Variants in PPP1R12C observed in about 807,000 individuals in gnomAD.
The protein encoded by PPP1R12C is protein phosphatase 1 regulatory subunit 12C.
Under a neutral mutation model 95.6 loss-of-function variants are expected in PPP1R12C, and 48 were observed. The ratio of observed to expected loss-of-function variants is 0.50; its 90% confidence interval spans 0.40 to 0.64. The LOEUF (loss-of-function observed/expected upper bound fraction) is 0.64, where lower values mean the gene tolerates loss of function less well. Ranked by LOEUF, PPP1R12C falls within the 30% of genes least tolerant of loss-of-function variation. The pLI is 0.00. For synonymous variants in PPP1R12C, 480 were observed against 460.8 expected (o/e 1.04, Z -0.53); for missense variants, 1,057 against 1,083.3 (o/e 0.98, Z 0.34).
rs527341201 is a variant in PPP1R12C at position 55,101,036 on chromosome 19, G to C, written c.732-1941C>G. 3.9e-5 allele frequency among the ~76,000 whole-genome samples: 6 copies of C among 152,162 alleles called. 1 individual carries two copies. In the South Asian group the frequency reaches 1.2e-3, roughly 32 times the overall value. ...GGCTGAGGCGGGCAGATCACTTGAG[G>C]TCAAGAGTTCGAGACCAGCCTGGCC... On this transcript the variant is annotated intron_variant, in intron 4 of 21. Transcript: ENST00000263433.
chr19:55,104,768 T>G (rs985887600), intron 3 of PPP1R12C, among the ~76,000 whole-genome samples: 1 of 151,270 alleles, frequency 6.6e-6, no homozygotes, highest in Non-Finnish European at 1.5e-5. Flanking sequence ...ATTTGCTCAG[T>G]AAACTTTAGG....
Position 55,106,702 on chromosome 19 carries a change from T to C in PPP1R12C, c.572-3134A>G, listed in dbSNP as rs73935109. Among the ~76,000 whole-genome samples, 322 of 152,356 alleles carry C rather than the reference T, an allele frequency of 2.1e-3. 3 individuals carry two copies. Among genetic ancestry groups the C allele is most frequent in the African/African-American group, 6.9e-3 (289 of 41,592 alleles). On this transcript the variant is annotated intron_variant, in intron 3 of 21. Coordinates refer to ENST00000263433, the MANE Select transcript of PPP1R12C (RefSeq NM_017607.4). Reference sequence around the variant, plus strand: ...CGTGTCCCTGCAGCACAGCTGCTGCTTGGGCCTACGAAAATCCATTCTCCC... The same window carrying C: ...CGTGTCCCTGCAGCACAGCTGCTGCCTGGGCCTACGAAAATCCATTCTCCC...
intron 1 of PPP1R12C, among the ~76,000 whole-genome samples, chr19:55,116,123 G>C (rs1316963128): frequency 6.6e-6 from 1 of 152,144 alleles, no homozygotes; most frequent in African/African-American, 2.4e-5. Flanking sequence ...CCAGGGAGAC[G>C]GGGTACTTTG....
intron 1 of PPP1R12C, chr19:55,113,319 G>A (rs1200815732): frequency 1.8e-6 from 2 of 1,133,710 alleles, no homozygotes; most frequent in Non-Finnish European, 2.3e-6. Flanking sequence ...GCAGGGTGGA[G>A]GAAGGCCACC....
Position 55,093,008 on chromosome 19 carries a change from GACCTCA to G in PPP1R12C, c.1825+2_1825+7del. On this transcript the variant is annotated splice_donor_variant and splice_donor_5th_base_variant and intron_variant, in intron 15 of 21. Coordinates refer to ENST00000263433, the MANE Select transcript of PPP1R12C (RefSeq NM_017607.4). LOFTEE classifies it high-confidence loss of function. ...CCTGGGAATGACCTCCCCGAGAGCA[GACCTCA>G]CCTCTCTGGGCAGGGCTGTCAGAGT... 1 of 1,573,788 alleles carries G rather than the reference GACCTCA, an allele frequency of 6.4e-7. No homozygotes were observed. Among genetic ancestry groups the G allele is most frequent in the Non-Finnish European group, 8.6e-7 (1 of 1,158,264 alleles).
At chr19:55,095,202 G>A (rs2084896201) in intron 11 of PPP1R12C, 89 bp downstream of exon 11, 3 of 1,385,422 alleles carry the variant, frequency 2.2e-6, no homozygotes, top group Non-Finnish European at 3.0e-6. Flanking sequence ...GACCCCAGGG[G>A]GTACATGGTC....
At chr19:55,110,762 C>T (rs570542260) in intron 3 of PPP1R12C, among the ~76,000 whole-genome samples, 3 of 151,976 alleles carry the variant, frequency 2.0e-5, no homozygotes, top group East Asian at 1.9e-4. Context: ...ATCTCAGCTA[C>T]CCAGAAGCTG....
Position 55,093,047 on chromosome 19 carries a change from T to C in PPP1R12C, c.1794A>G (p.Gly598=). The C allele has an allele frequency of 6.3e-7, 1 of 1,595,006 alleles. No individual in the cohort carries two copies. The highest frequency in any genetic ancestry group is 8.5e-7 in the Non-Finnish European group (1 of 1,170,026). The change falls in exon 15 of 22, where the codon GGA becomes GGG. Residue 598 remains glycine, a synonymous_variant. Coordinates refer to ENST00000263433, the MANE Select transcript of PPP1R12C (RefSeq NM_017607.4). Reference sequence around the variant, plus strand: ...GGGCAGGGCTGTCAGAGTTCTCCACTCCAGGGACGCGGGGCCTTCGGGAAG... The same window carrying C: ...GGGCAGGGCTGTCAGAGTTCTCCACCCCAGGGACGCGGGGCCTTCGGGAAG... The part of the protein sequence containing the change: ...LDPSRRPRVP[G]VENSDSPAQR...
At chr19:55,092,086 T>C (rs1284103234) in intron 19 of PPP1R12C, 136 bp downstream of exon 19, 5 of 1,084,272 alleles carry the variant, frequency 4.6e-6, no homozygotes, top group African/African-American at 1.6e-5. Flanking sequence ...AGACTCCGCC[T>C]CCGAGATCTC....
At chr19:55,097,733 G>GC (rs1177648617) in intron 6 of PPP1R12C, among the ~76,000 whole-genome samples, 1 of 152,044 alleles carries the variant, frequency 6.6e-6, no homozygotes, top group Non-Finnish European at 1.5e-5. Context: ...CTTCATTCCT[G>GC]CCCTTCTAGC....
Position 55,095,543 on chromosome 19 carries a change from C to A in PPP1R12C, c.1288G>T (p.Ala430Ser). Reference protein sequence around the residue: ...FGLLKTGSSGALGPPERRTAE... With the variant: ...FGLLKTGSSGSLGPPERRTAE... ...GTCCGCCTTTCAGGGGGACCCAGGG[C>A]ACCAGAACTCCCTGTCTTCAGGAGG... is the stretch of plus-strand genomic sequence containing the variant. The change falls in exon 10 of 22, where the codon GCC (alanine) becomes TCC (serine). Residue 430 changes from alanine (A) to serine (S), a missense_variant. Around this residue, in one of 5 missense-constraint regions of PPP1R12C, gnomAD observed 356 missense variants for 330.5 expected, o/e 1.08. Transcript: ENST00000263433. The A allele has an allele frequency of 6.3e-7, 1 of 1,592,368 alleles. No individual in the cohort carries two copies. The highest frequency in any genetic ancestry group is 2.3e-5 in the East Asian group (1 of 44,264).
intron 4 of PPP1R12C, 83 bp downstream of exon 4, chr19:55,103,326 A>T: frequency 7.8e-7 from 1 of 1,288,344 alleles, no homozygotes; most frequent in South Asian, 2.5e-5. Flanking sequence ...AGCCTTCGGT[A>T]CATACATTTA....
Position 55,109,850 on chromosome 19 carries a change from CGGGTGTCACA to C in PPP1R12C, c.571+2607_571+2616del, listed in dbSNP as rs535879804. On this transcript the variant is annotated intron_variant, in intron 3 of 21. Coordinates refer to ENST00000263433, the MANE Select transcript of PPP1R12C (RefSeq NM_017607.4). This position sits in a 1 kb window ranked among gnomAD's most constrained non-coding sequence, Gnocchi z 4.4. ...CCCCTCTGAGGCTCCTGTGTGGAGC[CGGGTGTCACA>C]GGGTGTCACAGGCAGTCGCCTTGTG... is the stretch of plus-strand genomic sequence containing the variant. Among the ~76,000 whole-genome samples the C allele has an allele frequency of 1.8e-4, 28 of 152,156 alleles. No individual in the cohort carries two copies. Among genetic ancestry groups the C allele is most frequent in the South Asian group, 4.1e-4 (2 of 4,820 alleles).
chr19:55,097,946 C>A (rs1697744460), intron 6 of PPP1R12C, among the ~76,000 whole-genome samples: 1 of 152,180 alleles, frequency 6.6e-6, no homozygotes, highest in African/African-American at 2.4e-5. Context: ...GCCTTACGCT[C>A]CCCTCCCTGG....
intron 1 of PPP1R12C, chr19:55,113,975 C>T: frequency 6.2e-6 from 1 of 160,122 alleles, no homozygotes; most frequent in Admixed American, 6.5e-5. Flanking sequence ...GGCCCCAGCC[C>T]TTCCGCCCTC....
In PPP1R12C at chr19:55,105,031, A is replaced by C. The variant is rs976389574; in HGVS notation, c.572-1463T>G. 4.0e-5 allele frequency among the ~76,000 whole-genome samples: 6 copies of C among 150,188 alleles called. No homozygotes were observed. In the South Asian group the frequency reaches 1.1e-3, roughly 26 times the overall value. Reference sequence around the variant, plus strand: ...ATGATCCACCCGCCTCGGCCTCCCAAAGTGCTGAAATTACAGGCAGGAGCC... The same window carrying C: ...ATGATCCACCCGCCTCGGCCTCCCACAGTGCTGAAATTACAGGCAGGAGCC... On this transcript the variant is annotated intron_variant, in intron 3 of 21. Coordinates refer to ENST00000263433, the MANE Select transcript of PPP1R12C (RefSeq NM_017607.4).
chr19:55,095,159 A>G lies in PPP1R12C; in HGVS notation c.1454+132T>C, dbSNP rs1044075994. On this transcript the variant is annotated intron_variant, in intron 11 of 21. Transcript: ENST00000263433. ...GAGGGAGAGAGCCCCCAAGAGGAACACAGCACAGGCTCTGGAGTGGCGGCA... is the reference window on the plus strand; with the variant it reads ...GAGGGAGAGAGCCCCCAAGAGGAACGCAGCACAGGCTCTGGAGTGGCGGCA... 6 of 1,056,334 alleles carry G rather than the reference A, an allele frequency of 5.7e-6. No individual in the cohort carries two copies. In the African/African-American group the frequency reaches 9.5e-5, roughly 17 times the overall value. The allele number at this position is 1,056,334 out of a possible 1,614,324, so 65.4% of individuals were successfully genotyped here.
intron 3 of PPP1R12C, among the ~76,000 whole-genome samples, chr19:55,105,303 G>A (rs1303655153): frequency 6.6e-6 from 1 of 152,168 alleles, no homozygotes; most frequent in Non-Finnish European, 1.5e-5. Context: ...AAGGGAGGGT[G>A]ACTGGCTTTT....
intron 1 of PPP1R12C, chr19:55,113,884 C>T (rs547389165): frequency 8.7e-4 from 147 of 169,612 alleles, no homozygotes; most frequent in Non-Finnish European, 1.4e-3. Context: ...TACAGGCATC[C>T]CTGTGAAAGA....
Sources: allele counts gnomAD v4.1 joint callset (sites outside exome capture counted in the v4.1 genomes callset), GRCh38; gene constraint gnomAD v4.1.1; regional missense constraint gnomAD v4.1.1; non-coding constraint Gnocchi (gnomAD v3.1); transcripts MANE v1.5; gene names NCBI Gene and HGNC (gene_info 2026-07-23, HGNC 2026-07-21).